TUSC3: variants seen among roughly 807,000 people sequenced by gnomAD.
The protein encoded by TUSC3 is tumor suppressor candidate 3, also known as dolichyl-diphosphooligosaccharide--protein glycosyltransferase subunit TUSC3.
Under a neutral mutation model 44.8 loss-of-function variants are expected in TUSC3, and 45 were observed. The ratio of observed to expected loss-of-function variants is 1.00; its 90% CI spans 0.79 to 1.29. The LOEUF (loss-of-function observed/expected upper bound fraction) is 1.29, where lower values mean the gene tolerates loss of function less well. Ranked by LOEUF, TUSC3 falls within the 50% of genes most tolerant of loss-of-function variation. The probability of loss-of-function intolerance (pLI) is 0.00; values close to 1 mark genes in which losing one functional copy is unlikely to be tolerated. For missense variants in TUSC3, 519 were observed against 437.9 expected (o/e 1.19, Z -1.65); for synonymous variants, 212 against 152.9 (o/e 1.39, Z -2.85).
chr8:15,703,742 A>T (rs1267751307), intron 6 of TUSC3, among the ~76,000 whole-genome samples: 2 of 151,994 alleles, frequency 1.3e-5, no homozygotes, highest in Non-Finnish European at 2.9e-5. Flanking sequence ...ATAGCGGGAG[A>T]ACTCATTCAT....
chr8:15,484,920 T>G (rs556739674), intron 2 of TUSC3, among the ~76,000 whole-genome samples: 1 of 152,358 alleles, frequency 6.6e-6, no homozygotes, highest in South Asian at 2.1e-4. Context: ...GAAAACTATT[T>G]CTTTGTAAAA....
chr8:15,634,924 C>G (rs140927650), intron 2 of TUSC3, among the ~76,000 whole-genome samples: 2 of 152,168 alleles, frequency 1.3e-5, no homozygotes, highest in East Asian at 1.9e-4. Context: ...CTTTGGCCTC[C>G]GTAGGCCACT....
chr8:15,832,793 G>T, the TUSC3 span, among the ~76,000 whole-genome samples: 2 of 152,234 alleles, frequency 1.3e-5, no homozygotes, highest in African/African-American at 4.8e-5. Context: ...CAAGTTCTTA[G>T]AGACCTTTAA....
chr8:15,555,487 G>C (rs71524155), intron 1 of TUSC3, among the ~76,000 whole-genome samples: 5 of 150,564 alleles, frequency 3.3e-5, no homozygotes, highest in Admixed American at 2.0e-4. Flanking sequence ...TAGAGACGAA[G>C]TCTCCCTGTG....
chr8:15,549,786 G>C (rs1801993409), intron 1 of TUSC3, among the ~76,000 whole-genome samples: 1 of 151,436 alleles, frequency 6.6e-6, no homozygotes, highest in African/African-American at 2.4e-5. Flanking sequence ...TTTTCCTCTT[G>C]AAGCATTTAT....
At position 15,607,274 on chromosome 8, in the gene TUSC3, C is replaced by T. The variant is rs758141258; in HGVS notation, c.139-15806C>T. On this transcript the variant is annotated intron_variant, in intron 1 of 10. Transcript: ENST00000503731. ...AATATTTATTTAATGAGGCAGGCAC[C>T]GGCCTGGTCACTGGGCATACAGTGA... Among the ~76,000 whole-genome samples, 6 of 151,978 alleles carry T rather than the reference C, an allele frequency of 3.9e-5. 1 individual carries two copies. The highest frequency in any genetic ancestry group is 1.9e-4 in the East Asian group (1 of 5,182).
intron 1 of TUSC3, among the ~76,000 whole-genome samples, chr8:15,566,352 G>T (rs1802671018): frequency 6.6e-6 from 1 of 152,196 alleles, no homozygotes; most frequent in Middle Eastern, 3.4e-3. Flanking sequence ...GATTTTAGTG[G>T]TTGGCGTTTT....
rs557528817 is a variant in TUSC3, at chr8:15,669,286, C to G, written c.709-4461C>G. Reference sequence around the variant, plus strand: ...ACAATTGAATCCAACATTGCTAAAACTTTCATTCCATGATGACTAACTCTT... The same window carrying G: ...ACAATTGAATCCAACATTGCTAAAAGTTTCATTCCATGATGACTAACTCTT... On this transcript the variant is annotated intron_variant, in intron 5 of 10. Transcript: ENST00000503731. 5.9e-5 allele frequency among the ~76,000 whole-genome samples: 9 copies of G among 151,930 alleles called. No homozygotes were observed. In the South Asian group the frequency reaches 1.0e-3, roughly 17 times the overall value.
intron 3 of TUSC3, among the ~76,000 whole-genome samples, chr8:15,655,206 A>G (rs1033384412): frequency 6.6e-6 from 1 of 152,152 alleles, no homozygotes; most frequent in South Asian, 2.1e-4. Context: ...CTCCCAGTAA[A>G]TAGAAAACAC....
At chr8:15,650,931 A>G in intron 3 of TUSC3, 117 bp downstream of exon 3, 1 of 1,018,168 alleles carries the variant, frequency 9.8e-7, no homozygotes, top group Non-Finnish European at 1.5e-6. Flanking sequence ...CGGAGGTTGC[A>G]GTGAGCCGAG....
the TUSC3 span, chr8:15,806,260 G>A: frequency 1.7e-6 from 1 of 585,392 alleles, no homozygotes; most frequent in South Asian, 1.7e-5. Flanking sequence ...CCTCCAGGTG[G>A]CAGTCTGGGG....
intron 6 of TUSC3, among the ~76,000 whole-genome samples, chr8:15,698,207 A>G (rs1248412286): frequency 6.6e-6 from 1 of 152,184 alleles, no homozygotes; most frequent in Non-Finnish European, 1.5e-5. Context: ...TGCTGTGTTA[A>G]TAATGCAAAA....
intron 6 of TUSC3, among the ~76,000 whole-genome samples, chr8:15,697,070 G>A (rs999031966): frequency 2.0e-5 from 3 of 152,126 alleles, no homozygotes; most frequent in Admixed American, 6.6e-5. Context: ...GGCACTTAAA[G>A]GTGTTCATAG....
intron 1 of TUSC3, among the ~76,000 whole-genome samples, chr8:15,433,403 T>C (rs1371071139): frequency 1.3e-5 from 2 of 152,156 alleles, no homozygotes; most frequent in Non-Finnish European, 2.9e-5. Flanking sequence ...TTACATAAAA[T>C]GGAACACAGA....
rs1416956382 is a variant in TUSC3 at position 15,580,829 on chromosome 8, G to C, written c.138+40261G>C. Among the ~76,000 whole-genome samples, 4 of 142,934 alleles carry C rather than the reference G, an allele frequency of 2.8e-5. No individual in the cohort carries two copies. In the South Asian group the frequency reaches 6.7e-4, roughly 24 times the overall value. The allele number at this position is 142,934 out of a possible 152,430, so 93.8% of individuals were successfully genotyped here. A position where few individuals can be genotyped will look rare whatever the true frequency, so the allele number is the denominator to read the frequency against. On this transcript the variant is annotated intron_variant, in intron 1 of 10. Coordinates refer to ENST00000503731, the MANE Select transcript of TUSC3 (RefSeq NM_006765.4). The stretch of plus-strand genomic sequence containing the variant: ...GCTCTTCTCGAGGAGTATCTTTGTG[G>C]CATTCCCTGTATTTCCTTAATCTGA...
upstream of TUSC3, among the ~76,000 whole-genome samples, chr8:15,539,189 T>C (rs911559931): frequency 6.6e-6 from 1 of 151,908 alleles, no homozygotes; most frequent in Non-Finnish European, 1.5e-5. Context: ...AAATATGTGC[T>C]ATTTTAAGAA....
chr8:15,757,972 AC>A, intron 10 of TUSC3, 117 bp downstream of exon 10: 10 of 1,496,870 alleles, frequency 6.7e-6, no homozygotes, highest in Non-Finnish European at 8.9e-6. Flanking sequence ...ATGTAAGATA[AC>A]TTTTAACTGT....
intron 2 of TUSC3, among the ~76,000 whole-genome samples, chr8:15,625,557 A>G (rs1264454336): frequency 2.6e-5 from 4 of 152,214 alleles, no homozygotes; most frequent in Non-Finnish European, 5.9e-5. Context: ...TCTTGGCTGA[A>G]CACATGTTCA....
chr8:15,656,054 T>G (rs1314459866), intron 3 of TUSC3, among the ~76,000 whole-genome samples: 1 of 152,096 alleles, frequency 6.6e-6, no homozygotes, highest in African/African-American at 2.4e-5. Flanking sequence ...ACTGGCTAAT[T>G]TATTCAACAG....
Sources: allele counts gnomAD v4.1 joint callset (sites outside exome capture counted in the v4.1 genomes callset), GRCh38; gene constraint gnomAD v4.1.1; transcripts MANE v1.5; gene names NCBI Gene and HGNC (gene_info 2026-07-23, HGNC 2026-07-21).